INTS3: variants seen among roughly 807,000 people sequenced by gnomAD.
The protein encoded by INTS3 is integrator complex subunit 3, also known as SOSS complex subunit A.
In INTS3, 34 loss-of-function variants were observed where a neutral mutation model predicts 146.3. The ratio of observed to expected loss-of-function variants is 0.23; its 90% CI spans 0.18 to 0.31. INTS3 has a LOEUF of 0.31. INTS3 is among the 10% of genes least tolerant of loss of function. INTS3 has a pLI of 1.00. For synonymous variants in INTS3, 475 were observed against 494.9 expected (o/e 0.96, Z 0.53); for missense variants, 757 against 1,304.2 (o/e 0.58, Z 6.46).
At chr1:153,737,778 C>T (rs953021892) in intron 1 of INTS3, among the ~76,000 whole-genome samples, 7 of 152,272 alleles carry the variant, frequency 4.6e-5, no homozygotes, top group African/African-American at 1.4e-4. Context: ...GGATTACAGA[C>T]GTGAGCCACT....
Position 153,769,613 on chromosome 1 carries a change from C to T in INTS3, c.2314-156C>T, listed in dbSNP as rs61077997. ...TTCATCCTTCAGAGATGGCAGCATT[C>T]GTTGTGTGCCATCTCCTTCCCATTC... On this transcript the variant is annotated intron_variant, in intron 22 of 29. Transcript: ENST00000318967. Among the ~76,000 whole-genome samples, 39 of 152,174 alleles carry T rather than the reference C, an allele frequency of 2.6e-4. 1 individual carries two copies. The East Asian group carries it at 2.7e-3, about 11-fold the overall frequency.
Position 153,772,459 on chromosome 1 carries a change from G to C in INTS3, c.2821+19G>C, listed in dbSNP as rs1558012500. On this transcript the variant is annotated intron_variant, in intron 27 of 29. Coordinates refer to ENST00000318967, the MANE Select transcript of INTS3 (RefSeq NM_023015.5). The surrounding 1 kb of genome is among the most constrained non-coding windows in gnomAD (Gnocchi z 4.6). ...CAGAACTGTATGCCTTCCACCCTCG[G>C]CGTCCAGTGTAGACGGTGCTGCCCT... 1 of 1,614,150 alleles carries C rather than the reference G, an allele frequency of 6.2e-7. No homozygotes were observed. The highest frequency in any genetic ancestry group is 1.3e-5 in the African/African-American group (1 of 75,044).
chr1:153,745,083 C>T (rs1292915850), intron 3 of INTS3, among the ~76,000 whole-genome samples: 1 of 150,460 alleles, frequency 6.6e-6, no homozygotes, highest in Non-Finnish European at 1.5e-5. Context: ...GTAATATATA[C>T]ATATATATAT....
Position 153,738,827 on chromosome 1 carries a change from T to C in INTS3, c.151-1824T>C, listed in dbSNP as rs529244257. ...AAGAGCTTTCCTTTCTTGTTTATTA[T>C]GTATGTATCTATCAAAATGGACTGA... On this transcript the variant is annotated intron_variant, in intron 1 of 29. Coordinates refer to ENST00000318967, the MANE Select transcript of INTS3 (RefSeq NM_023015.5). 1.7e-3 allele frequency among the ~76,000 whole-genome samples: 259 copies of C among 152,284 alleles called. 4 individuals carry two copies. The highest frequency in any genetic ancestry group is 2.3e-3 in the Non-Finnish European group (156 of 68,016).
chr1:153,749,908 G>A (rs181233886), intron 6 of INTS3, among the ~76,000 whole-genome samples: 35 of 152,238 alleles, frequency 2.3e-4, no homozygotes, highest in Admixed American at 3.9e-4. Flanking sequence ...TCAGATAACA[G>A]CCAGATAACT....
intron 3 of INTS3, among the ~76,000 whole-genome samples, chr1:153,744,040 TG>T (rs1671636948): frequency 4.7e-4 from 2 of 4,230 alleles, no homozygotes; most frequent in East Asian, 0.042. Flanking sequence ...TGCATGTGCG[TG>T]TGTGTGTGTG....
rs765932008 is a variant in INTS3 at position 153,761,596 on chromosome 1, C to A, written c.1436C>A (p.Pro479His). 3 of 1,614,066 alleles carry A rather than the reference C, an allele frequency of 1.9e-6. No individual in the cohort carries two copies. In the South Asian group the frequency reaches 3.3e-5, roughly 18 times the overall value. Residue 479 changes from proline (P) to histidine (H), a missense_variant, in exon 14 of 30, where the codon CCT (proline) becomes CAT (histidine). By Grantham distance (77) the Pro-to-His change is moderately conservative (BLOSUM62 -2). This residue lies in a region of INTS3 where 97 missense variants were observed against 113.6 expected (regional missense o/e 0.85). Transcript: ENST00000318967. ...CACCTAGCTCCCCTGTTTGACAACC[C>A]TAAGTTGGATAAGGAGCTGCGGGCA... Reference protein sequence around the residue: ...LAHLAPLFDNPKLDKELRAML... With the variant: ...LAHLAPLFDNHKLDKELRAML...
Position 153,762,800 on chromosome 1 carries a change from A to G in INTS3, c.1589A>G (p.Asn530Ser), listed in dbSNP as rs1207387001. The G allele has an allele frequency of 1.2e-6, 2 of 1,614,180 alleles. No homozygotes were observed. Among genetic ancestry groups the G allele is most frequent in the South Asian group, 2.2e-5 (2 of 91,078 alleles). ...MSDKDESCYD[N>S]AEAAFSDDEE... ...GATAAGGATGAGAGTTGCTATGACA[A>G]TGCAGAGGCAGCCTTCAGTGACGAT... Residue 530 changes from asparagine to serine, a missense_variant, in exon 15 of 30, where the codon AAT becomes AGT. By Grantham distance (46) the Asn-to-Ser change is conservative. This residue lies in a region of INTS3 where 97 missense variants were observed against 113.6 expected (regional missense o/e 0.85). Transcript: ENST00000318967.
intron 1 of INTS3, among the ~76,000 whole-genome samples, chr1:153,730,681 T>A (rs1324092643): frequency 2.6e-5 from 4 of 152,210 alleles, no homozygotes; most frequent in African/African-American, 9.6e-5. Context: ...TGGCTTTTTT[T>A]ATACTGAGAG....
At chr1:153,734,619 G>A (rs960893457) in intron 1 of INTS3, among the ~76,000 whole-genome samples, 8 of 152,320 alleles carry the variant, frequency 5.3e-5, no homozygotes, top group Admixed American at 1.3e-4. Flanking sequence ...TAGGGAAGGG[G>A]CCTAGAGAAA....
At chr1:153,747,140 G>A (rs530226000) in intron 4 of INTS3, 70 bp downstream of exon 4, 49 of 1,341,930 alleles carry the variant, frequency 3.7e-5, no homozygotes, top group Non-Finnish European at 3.5e-5. Context: ...GTCAGGAACG[G>A]GAAAGAGGAA....
intron 1 of INTS3, among the ~76,000 whole-genome samples, chr1:153,737,572 C>G (rs978775546): frequency 1.2e-4 from 19 of 152,160 alleles, no homozygotes; most frequent in African/African-American, 4.1e-4. Context: ...AATCTTGGCT[C>G]ACTGCAACCT....
rs1320052611 is a variant in INTS3 at position 153,772,050 on chromosome 1, T to G, written c.2720+87T>G. The G allele has an allele frequency of 7.4e-7, 1 of 1,352,870 alleles. No individual in the cohort carries two copies. The highest frequency in any genetic ancestry group is 1.0e-6 in the Non-Finnish European group (1 of 991,280). 83.8% of individuals were successfully genotyped at this position (1,352,870 alleles called of 1,614,324 possible). On this transcript the variant is annotated intron_variant, in intron 26 of 29. Transcript: ENST00000318967. The surrounding 1 kb of genome is among the most constrained non-coding windows in gnomAD (Gnocchi z 4.6). Reference sequence around the variant, plus strand: ...GTGGTGGTGGTGGTGGTGGTGGTGGTGATGGGGGTCAGTGCTGTCCCAGCC... The same window carrying G: ...GTGGTGGTGGTGGTGGTGGTGGTGGGGATGGGGGTCAGTGCTGTCCCAGCC...
chr1:153,770,816 CCTT>C, intron 25 of INTS3, 83 bp downstream of exon 25: 1 of 1,035,954 alleles, frequency 9.7e-7, no homozygotes, highest in Non-Finnish European at 1.5e-6. Flanking sequence ...CTGTCCTCCT[CCTT>C]ATTGCCATAT....
rs1671075484 is a variant in INTS3, at chr1:153,731,851, C to T, written c.150+3067C>T. ...CCGCCCACCTCGGCCTCCCAAAGTG[C>T]TGGGATTACAGACTTGAGCCACCGC... On this transcript the variant is annotated intron_variant, in intron 1 of 29. Coordinates refer to ENST00000318967, the MANE Select transcript of INTS3 (RefSeq NM_023015.5). Among the ~76,000 whole-genome samples, 4 of 147,602 alleles carry T rather than the reference C, an allele frequency of 2.7e-5. No individual in the cohort carries two copies. In the Admixed American group the frequency reaches 2.7e-4, roughly 10 times the overall value.
chr1:153,751,062 G>A (rs747530868), intron 6 of INTS3, 33 bp from the exon 7 acceptor site: 2 of 1,611,902 alleles, frequency 1.2e-6, no homozygotes, highest in Non-Finnish European at 1.7e-6. Flanking sequence ...GTTCTAGACA[G>A]AGCATAGGAG....
In INTS3 at chr1:153,774,802, G is replaced by GTGT; in HGVS notation, c.*1532_*1533insTGT. On this transcript the variant is annotated 3_prime_UTR_variant, in exon 30 of 30. Coordinates refer to ENST00000318967, the MANE Select transcript of INTS3 (RefSeq NM_023015.5). Reference sequence around the variant, plus strand: ...CTCTGTCCCAATTAAAACCAGGATGGAGAGCATTTGCTGGCTGGCCCCAAT... The same window carrying GTGT: ...CTCTGTCCCAATTAAAACCAGGATGGTGTAGAGCATTTGCTGGCTGGCCCCAAT... 5.7e-6 allele frequency: 2 copies of GTGT among 348,556 alleles called. No homozygotes were observed. Among genetic ancestry groups the GTGT allele is most frequent in the Non-Finnish European group, 1.0e-5 (2 of 192,012 alleles). The allele number at this position is 348,556 out of a possible 1,614,324, so 21.6% of individuals were successfully genotyped here.
intron 8 of INTS3, among the ~76,000 whole-genome samples, chr1:153,752,660 G>C (rs1414319283): frequency 1.3e-5 from 2 of 152,196 alleles, no homozygotes; most frequent in Non-Finnish European, 2.9e-5. Flanking sequence ...AAGTGAGACA[G>C]ATAACTGTAG....
At chr1:153,770,645 C>T in intron 24 of INTS3, 40 bp from the exon 25 acceptor site, 1 of 1,573,162 alleles carries the variant, frequency 6.4e-7, no homozygotes, top group Non-Finnish European at 8.7e-7. Context: ...ATCCTGGAAT[C>T]ATACCTTCCC....
Sources: allele counts gnomAD v4.1 joint callset (sites outside exome capture counted in the v4.1 genomes callset), GRCh38; gene constraint gnomAD v4.1.1; regional missense constraint gnomAD v4.1.1; non-coding constraint Gnocchi (gnomAD v3.1); transcripts MANE v1.5; gene names NCBI Gene and HGNC (gene_info 2026-07-23, HGNC 2026-07-21).